CADPS2: variants seen among roughly 807,000 people sequenced by gnomAD.
CADPS2 encodes the protein calcium dependent secretion activator 2.
In CADPS2, 93 loss-of-function variants were observed where a neutral mutation model predicts 172.5. The observed-to-expected ratio is 0.54, with a 90% CI of 0.46 to 0.64. CADPS2 has a LOEUF of 0.64. Among genes scored for constraint, CADPS2 ranks in the 30% least tolerant of loss-of-function variants. CADPS2 has a pLI of 0.00. For missense variants in CADPS2, 1,420 were observed against 1,565.9 expected (o/e 0.91, Z 1.57); for synonymous variants, 546 against 555.2 (o/e 0.98, Z 0.23).
At chr7:122,721,470 C>T (rs921288976) in intron 2 of CADPS2, among the ~76,000 whole-genome samples, 2 of 151,926 alleles carry the variant, frequency 1.3e-5, no homozygotes, top group East Asian at 3.9e-4. Context: ...ACACATACAC[C>T]CTCCCAAGAC....
At chr7:122,594,629 G>A (rs985617634) in intron 6 of CADPS2, among the ~76,000 whole-genome samples, 5 of 151,916 alleles carry the variant, frequency 3.3e-5, no homozygotes, top group Admixed American at 2.0e-4. Flanking sequence ...AGTCTAGCAA[G>A]CCTGTTAGCA....
chr7:122,705,728 T>C lies in CADPS2; in HGVS notation c.453+31227A>G, dbSNP rs1432820236. On this transcript the variant is annotated intron_variant, in intron 2 of 29. Transcript: ENST00000449022. ...ATATCATATATTATATAATATATCA[T>C]ATATTATATAATATATAATATATAT... 1.5e-4 allele frequency among the ~76,000 whole-genome samples: 2 copies of C among 13,692 alleles called. 1 individual carries two copies. The highest frequency in any genetic ancestry group is 3.1e-4 in the Non-Finnish European group (2 of 6,410). The allele number at this position is 13,692 out of a possible 152,430, so 9.0% of individuals were successfully genotyped here. A position where few individuals can be genotyped will look rare whatever the true frequency, so the allele number is the denominator to read the frequency against.
intron 1 of CADPS2, among the ~76,000 whole-genome samples, chr7:122,830,447 AAAG>A (rs1237193057): frequency 6.6e-6 from 1 of 152,224 alleles, no homozygotes; most frequent in Non-Finnish European, 1.5e-5. Flanking sequence ...AAAGGTCTGC[AAAG>A]AAGTGAAATA....
rs76610372 is a variant in CADPS2 at position 122,578,220 on chromosome 7, T to C, written c.1335+2959A>G. Reference sequence around the variant, plus strand: ...TATTGGTAATGTGTGCACATATATATATACCCACACACACATATATAAAAC... The same window carrying C: ...TATTGGTAATGTGTGCACATATATACATACCCACACACACATATATAAAAC... On this transcript the variant is annotated intron_variant, in intron 7 of 29. Coordinates refer to ENST00000449022, the MANE Select transcript of CADPS2 (RefSeq NM_017954.11). Among the ~76,000 whole-genome samples, 1,187 of 152,064 alleles carry C rather than the reference T, an allele frequency of 7.8e-3. 16 individuals carry two copies. The highest frequency in any genetic ancestry group is 0.028 in the African/African-American group (1,147 of 41,500).
chr7:122,532,703 T>C (rs1396644121), intron 8 of CADPS2, among the ~76,000 whole-genome samples: 1 of 152,058 alleles, frequency 6.6e-6, no homozygotes, highest in Non-Finnish European at 1.5e-5. Flanking sequence ...ATTCTGAAAC[T>C]TAAAAAAATG....
chr7:122,406,102 G>A (rs1481227724), intron 20 of CADPS2, among the ~76,000 whole-genome samples: 1 of 152,092 alleles, frequency 6.6e-6, no homozygotes, highest in Non-Finnish European at 1.5e-5. Flanking sequence ...TTAACCTGGT[G>A]CCCTAAATTT....
intron 1 of CADPS2, among the ~76,000 whole-genome samples, chr7:122,756,050 A>T (rs998993207): frequency 6.6e-6 from 1 of 152,224 alleles, no homozygotes; most frequent in Admixed American, 6.5e-5. Context: ...GATGATACAG[A>T]AAAGAGTTTA....
chr7:122,626,128 G>C (rs1354312812), intron 4 of CADPS2, among the ~76,000 whole-genome samples: 1 of 152,116 alleles, frequency 6.6e-6, no homozygotes, highest in African/African-American at 2.4e-5. Flanking sequence ...CACAGGACTG[G>C]GGTAACAAAG....
At chr7:122,574,607 C>G (rs1415038405) in intron 7 of CADPS2, among the ~76,000 whole-genome samples, 3 of 151,128 alleles carry the variant, frequency 2.0e-5, no homozygotes, top group East Asian at 3.9e-4. Flanking sequence ...TTTCATGTCC[C>G]AGAAAGCAAA....
At chr7:122,722,324 G>A (rs1211564657) in intron 2 of CADPS2, among the ~76,000 whole-genome samples, 1 of 151,966 alleles carries the variant, frequency 6.6e-6, no homozygotes, top group Non-Finnish European at 1.5e-5. Context: ...TCCTTAAGCT[G>A]ATAAGCAACT....
At position 122,471,320 on chromosome 7, in the gene CADPS2, C is replaced by T. The variant is rs2055905355; in HGVS notation, c.2186+55G>A. Reference sequence around the variant, plus strand: ...TGATAATCGCAAAGCACATTTTTCTCTCTTTTCCATAGTCAACCCCATACA... The same window carrying T: ...TGATAATCGCAAAGCACATTTTTCTTTCTTTTCCATAGTCAACCCCATACA... On this transcript the variant is annotated intron_variant, in intron 14 of 29. Coordinates refer to ENST00000449022, the MANE Select transcript of CADPS2 (RefSeq NM_017954.11). 2.0e-5 allele frequency: 26 copies of T among 1,269,444 alleles called. No homozygotes were observed. In the South Asian group the frequency reaches 2.4e-4, roughly 12 times the overall value. The allele number at this position is 1,269,444 out of a possible 1,614,324, so 78.6% of individuals were successfully genotyped here.
At chr7:122,742,891 T>C (rs12706441) in intron 1 of CADPS2, among the ~76,000 whole-genome samples, 40,677 of 152,016 alleles carry the variant, frequency 0.27, 5,780 homozygotes, top group African/African-American at 0.34. Flanking sequence ...AAAATATTCA[T>C]CAGTTCAGGA....
rs961843094 is a variant in CADPS2, at chr7:122,720,673, T to A, written c.453+16282A>T. ...CGAGAGTGAGAGCCCGTGCGAAACT[T>A]TGGGATCTTTTAATATACCCCTAAA... On this transcript the variant is annotated intron_variant, in intron 2 of 29. Coordinates refer to ENST00000449022, the MANE Select transcript of CADPS2 (RefSeq NM_017954.11). 2.0e-5 allele frequency among the ~76,000 whole-genome samples: 3 copies of A among 151,792 alleles called. No homozygotes were observed. In the East Asian group the frequency reaches 5.8e-4, roughly 30 times the overall value.
chr7:122,664,429 A>G (rs2080961502), intron 2 of CADPS2, among the ~76,000 whole-genome samples: 1 of 151,232 alleles, frequency 6.6e-6, no homozygotes, highest in South Asian at 2.1e-4. Flanking sequence ...AAATAAAATA[A>G]AAACAACAAT....
At chr7:122,501,550 G>A (rs1447677287) in intron 9 of CADPS2, among the ~76,000 whole-genome samples, 1 of 151,852 alleles carries the variant, frequency 6.6e-6, no homozygotes, top group Non-Finnish European at 1.5e-5. Flanking sequence ...AGGTCACCCA[G>A]ATAAAAAGGG....
At chr7:122,855,125 C>A (rs142120344) in intron 1 of CADPS2, among the ~76,000 whole-genome samples, 66 of 152,266 alleles carry the variant, frequency 4.3e-4, no homozygotes, top group African/African-American at 1.4e-3. Flanking sequence ...GAGAAGAACA[C>A]TGATGGGACA....
At chr7:122,732,197 A>G (rs2091711795) in intron 2 of CADPS2, among the ~76,000 whole-genome samples, 1 of 151,802 alleles carries the variant, frequency 6.6e-6, no homozygotes. Context: ...TTCCTTTAAA[A>G]AAATGTACCA....
At chr7:122,354,296 T>C (rs2039072230) in intron 27 of CADPS2, 1 of 152,156 alleles carries the variant, frequency 6.6e-6, no homozygotes. Flanking sequence ...ACAATAAGCC[T>C]ATAAGAGGTG....
At chr7:122,880,384 A>G (rs1482208924) in intron 1 of CADPS2, among the ~76,000 whole-genome samples, 1 of 152,228 alleles carries the variant, frequency 6.6e-6, no homozygotes, top group East Asian at 1.9e-4. Context: ...ATAAATATGC[A>G]CTAGCCTCTC....
Sources: allele counts gnomAD v4.1 joint callset (sites outside exome capture counted in the v4.1 genomes callset), GRCh38; gene constraint gnomAD v4.1.1; transcripts MANE v1.5; gene names NCBI Gene and HGNC (gene_info 2026-07-23, HGNC 2026-07-21).